The following ROBO2 variants were observed in gnomAD, a reference collection of about 807,000 sequenced individuals.
The protein encoded by ROBO2 is roundabout homolog 2.
Under a neutral mutation model 160.8 loss-of-function variants are expected in ROBO2, and 53 were observed. The ratio of observed to expected loss-of-function variants is 0.33; its 90% CI spans 0.26 to 0.41. The LOEUF (loss-of-function observed/expected upper bound fraction) is 0.41. ROBO2 is among the 10% of genes least tolerant of loss of function. The pLI is 1.00. For synonymous variants in ROBO2, 664 were observed against 611.7 expected (o/e 1.09, Z -1.26); for missense variants, 1,577 against 1,722.4 (o/e 0.92, Z 1.49).
chr3:77,294,820 A>G (rs1437060684), intron 2 of ROBO2, among the ~76,000 whole-genome samples: 2 of 151,204 alleles, frequency 1.3e-5, no homozygotes, highest in African/African-American at 2.4e-5. Context: ...CACCCCAGAC[A>G]TAAAGTAAAA....
In ROBO2 at chr3:76,898,163, A is replaced by G. The variant is rs117976501; in HGVS notation, c.110-199851A>G. ...TGCACTTTATTATTTAATTGAAATT[A>G]TTACATCTCATGGAAAGACCATAGG... On this transcript the variant is annotated intron_variant, in intron 2 of 26. Transcript: ENST00000487694. Among the ~76,000 whole-genome samples the G allele has an allele frequency of 8.9e-4, 136 of 152,192 alleles. 1 individual carries two copies. The East Asian group carries it at 0.022, about 24-fold the overall frequency.
intron 2 of ROBO2, among the ~76,000 whole-genome samples, chr3:76,602,475 G>T (rs1444238747): frequency 1.3e-5 from 2 of 152,204 alleles, no homozygotes; most frequent in African/African-American, 4.8e-5. Flanking sequence ...ACAGTTCCAC[G>T]TGGTGGGGGA....
intron 2 of ROBO2, among the ~76,000 whole-genome samples, chr3:76,609,182 T>C (rs1474640698): frequency 6.6e-6 from 1 of 152,126 alleles, no homozygotes; most frequent in East Asian, 1.9e-4. Flanking sequence ...GTGTGTGGAG[T>C]TGTTTCTGGG....
intron 2 of ROBO2, among the ~76,000 whole-genome samples, chr3:76,379,204 G>A (rs1433920769): frequency 1.3e-5 from 2 of 152,000 alleles, no homozygotes; most frequent in South Asian, 2.1e-4. Flanking sequence ...AGAAGTAATC[G>A]ATATTATAAG....
rs773473389 is a variant in ROBO2 at position 76,744,573 on chromosome 3, G to C, written c.110-353441G>C. On this transcript the variant is annotated intron_variant, in intron 2 of 26. Transcript: ENST00000487694. ...AATGAGGTCTCGCTCTGTTGCCCAG[G>C]CTGGTCTCAAATTTCTGTCTTCAAG... Among the ~76,000 whole-genome samples, 15 of 151,938 alleles carry C rather than the reference G, an allele frequency of 9.9e-5. No homozygotes were observed. In the East Asian group the frequency reaches 2.7e-3, roughly 28 times the overall value.
At chr3:76,278,883 A>C (rs1042529017) in intron 2 of ROBO2, among the ~76,000 whole-genome samples, 1 of 151,842 alleles carries the variant, frequency 6.6e-6, no homozygotes, top group Admixed American at 6.6e-5. Flanking sequence ...CTACCCTTAT[A>C]ACCTCTTCCT....
rs1433740534 is a variant in ROBO2, at chr3:77,180,416, C to CTCTCTCTATATATATATATA, written c.388+82077_388+82078insCTCTCTATATATATATATAT. 6.5e-3 allele frequency among the ~76,000 whole-genome samples: 587 copies of CTCTCTCTATATATATATATA among 90,590 alleles called. 7 individuals carry two copies. Among genetic ancestry groups the CTCTCTCTATATATATATATA allele is most frequent in the Middle Eastern group, 0.01 (1 of 98 alleles). 59.4% of individuals were successfully genotyped at this position (90,590 alleles called of 152,430 possible). ...TCTCTCTCTCTCTCTCTCTCTCTCT[C>CTCTCTCTATATATATATATA]TATATATATATATATGTATTTTTTT... is the stretch of plus-strand genomic sequence containing the variant. On this transcript the variant is annotated intron_variant, in intron 2 of 25. Coordinates refer to ENST00000461745, the Ensembl canonical transcript of ROBO2.
Position 77,052,975 on chromosome 3 carries a change from A to G in ROBO2, c.61+12129A>G, listed in dbSNP as rs147221042. On this transcript the variant is annotated intron_variant, in intron 1 of 25. Transcript: ENST00000461745. ...GTGAATTACAAAGAAGTTGTTATTTATATATGTATGCCTGTATGTTTGTAT... is the reference window on the plus strand; with the variant it reads ...GTGAATTACAAAGAAGTTGTTATTTGTATATGTATGCCTGTATGTTTGTAT... Among the ~76,000 whole-genome samples, 7 of 152,302 alleles carry G rather than the reference A, an allele frequency of 4.6e-5. No homozygotes were observed. In the East Asian group the frequency reaches 7.7e-4, roughly 17 times the overall value.
chr3:76,709,862 A>G (rs1427569995), intron 2 of ROBO2, among the ~76,000 whole-genome samples: 2 of 152,170 alleles, frequency 1.3e-5, no homozygotes, highest in Admixed American at 6.6e-5. Flanking sequence ...CACACTGTCT[A>G]TTGCAATGTG....
chr3:77,457,452 G>T (rs371952803), intron 2 of ROBO2, among the ~76,000 whole-genome samples: 7 of 151,794 alleles, frequency 4.6e-5, no homozygotes, highest in African/African-American at 1.7e-4. Flanking sequence ...AAATTTGAGC[G>T]TAGCGAAAAT....
At chr3:77,272,571 T>G (rs982299895) in intron 2 of ROBO2, among the ~76,000 whole-genome samples, 2 of 152,190 alleles carry the variant, frequency 1.3e-5, no homozygotes, top group South Asian at 2.1e-4. Flanking sequence ...TATCATGAGA[T>G]TTGAGTGGGA....
At chr3:76,380,540 G>T (rs979851679) in intron 2 of ROBO2, among the ~76,000 whole-genome samples, 1 of 151,684 alleles carries the variant, frequency 6.6e-6, no homozygotes, top group African/African-American at 2.4e-5. Context: ...CTCCTTTTTC[G>T]CCTCCTCCTT....
chr3:76,226,272 G>T (rs974590206), intron 2 of ROBO2, among the ~76,000 whole-genome samples: 1 of 152,144 alleles, frequency 6.6e-6, no homozygotes, highest in Admixed American at 6.6e-5. Context: ...AGATGATGGA[G>T]ATTCTTTACA....
chr3:76,802,682 G>C (rs1366392078), intron 2 of ROBO2, among the ~76,000 whole-genome samples: 1 of 150,746 alleles, frequency 6.6e-6, no homozygotes, highest in Non-Finnish European at 1.5e-5. Flanking sequence ...GAGCCAAGAT[G>C]GCGTCACTGC....
intron 2 of ROBO2, among the ~76,000 whole-genome samples, chr3:77,205,917 G>A (rs113165276): frequency 2.0e-3 from 312 of 152,222 alleles, no homozygotes; most frequent in African/African-American, 6.8e-3. Context: ...TACGAAATGA[G>A]TGGCTTAAAA....
At chr3:77,514,382 G>A (rs2089765944) in intron 5 of ROBO2, among the ~76,000 whole-genome samples, 1 of 151,800 alleles carries the variant, frequency 6.6e-6, no homozygotes, top group Non-Finnish European at 1.5e-5. Flanking sequence ...TATTGATAAA[G>A]TTAGTTTCTG....
intron 21 of ROBO2, 45 bp from the exon 23 acceptor site, chr3:77,617,468 A>T: frequency 6.2e-7 from 1 of 1,608,848 alleles, no homozygotes; most frequent in Non-Finnish European, 8.5e-7. Flanking sequence ...ATGTATGTGT[A>T]TATGTATTTG....
At chr3:77,259,004 GT>G (rs1264829776) in intron 2 of ROBO2, among the ~76,000 whole-genome samples, 1 of 152,152 alleles carries the variant, frequency 6.6e-6, no homozygotes, top group Non-Finnish European at 1.5e-5. Context: ...TGCACAGTCA[GT>G]TCTCTTTTCC....
intron 2 of ROBO2, among the ~76,000 whole-genome samples, chr3:77,250,145 A>T (rs1039065275): frequency 6.6e-6 from 1 of 152,222 alleles, no homozygotes. Context: ...TAACATATTA[A>T]TTTAAATCTA....
Sources: allele counts gnomAD v4.1 joint callset (sites outside exome capture counted in the v4.1 genomes callset), GRCh38; gene constraint gnomAD v4.1.1; transcripts MANE v1.5; gene names NCBI Gene and HGNC (gene_info 2026-07-23, HGNC 2026-07-21).